MIB2: variants seen among roughly 807,000 people sequenced by gnomAD.
MIB2 encodes the protein MIB E3 ubiquitin protein ligase 2, also known as E3 ubiquitin-protein ligase MIB2.
A neutral mutation model predicts 96.6 loss-of-function variants in MIB2; 78 were observed. That is an observed-to-expected ratio of 0.81 (90% CI 0.67 to 0.97). MIB2 has a LOEUF of 0.97. Among genes scored for constraint, MIB2 ranks in the 50% least tolerant of loss-of-function variants. The pLI is 0.00. For missense variants in MIB2, 1,543 were observed against 1,424.0 expected, an observed-to-expected ratio of 1.08 and a Z score of -1.35; for synonymous variants, 820 against 629.5, an observed-to-expected ratio of 1.30 and a Z score of -4.53.
rs775796291 is a variant in MIB2 at position 1,625,844 on chromosome 1, G to A, written c.972+191G>A. ...GGAGAAGAGGGGGTTGGGTGTGAAGGAACCCAGAGGAGGGTATGTCTCTGG... is the reference window on the plus strand; with the variant it reads ...GGAGAAGAGGGGGTTGGGTGTGAAGAAACCCAGAGGAGGGTATGTCTCTGG... On this transcript the variant is annotated intron_variant, in intron 8 of 19. Coordinates refer to ENST00000355826, the MANE Select transcript of MIB2 (RefSeq NM_001170687.4). The surrounding 1 kb of genome is among the most constrained non-coding windows in gnomAD (Gnocchi z 5.0). The A allele has an allele frequency of 1.7e-6, 1 of 595,662 alleles. No homozygotes were observed. The highest frequency in any genetic ancestry group is 2.8e-5 in the East Asian group (1 of 35,882). 36.9% of individuals were successfully genotyped at this position (595,662 alleles called of 1,614,324 possible).
At position 1,626,282 on chromosome 1, in the gene MIB2, G is replaced by T. The variant is rs543747142; in HGVS notation, c.973-368G>T. On this transcript the variant is annotated intron_variant, in intron 8 of 19. Transcript: ENST00000355826. This position sits in a 1 kb window ranked among gnomAD's most constrained non-coding sequence, Gnocchi z 5.3. The stretch of plus-strand genomic sequence containing the variant: ...GGCTCAGGTGGGGCAGAGTGGGCCC[G>T]TCCTGCACCCCATGGTCCTGGGGCC... The T allele has an allele frequency of 1.2e-5, 4 of 322,206 alleles. No homozygotes were observed. Among genetic ancestry groups the T allele is most frequent in the Non-Finnish European group, 2.3e-5 (4 of 174,002 alleles). The allele number at this position is 322,206 out of a possible 1,614,324, so 20.0% of individuals were successfully genotyped here. A position where few individuals can be genotyped will look rare whatever the true frequency, so the allele number is the denominator to read the frequency against.
rs376455318 is a variant in MIB2 at position 1,628,054 on chromosome 1, C to T, written c.1716C>T (p.Ile572=). The T allele has an allele frequency of 1.2e-6, 2 of 1,613,166 alleles. No individual in the cohort carries two copies. The highest frequency in any genetic ancestry group is 2.2e-5 in the East Asian group (1 of 44,872). ...AHSDTPLHSA[I]SAGTGASGIV... is the part of the protein sequence containing the mutation. Reference sequence around the variant, plus strand: ...CGGACACGCCCCTGCACTCCGCCATCTCGGCGGGCACTGGAGCCAGCGGCA... The same window carrying T: ...CGGACACGCCCCTGCACTCCGCCATTTCGGCGGGCACTGGAGCCAGCGGCA... Residue 572 remains isoleucine (I), a synonymous_variant, in exon 14 of 20, where the codon ATC becomes ATT. Coordinates refer to ENST00000355826, the MANE Select transcript of MIB2 (RefSeq NM_001170687.4).
intron 2 of MIB2, chr1:1,619,280 TAGG>T (rs1164302793): frequency 1.3e-5 from 2 of 151,936 alleles, no homozygotes; most frequent in East Asian, 3.9e-4. Context: ...GAGGCTGAGG[TAGG>T]AGAATGGCGT....
intron 2 of MIB2, among the ~76,000 whole-genome samples, chr1:1,622,199 C>T (rs1644321828): frequency 6.6e-6 from 1 of 152,216 alleles, no homozygotes; most frequent in African/African-American, 2.4e-5. Flanking sequence ...GGCAGTGTTC[C>T]TGGGCTGCCT....
At chr1:1,630,237 C>T (rs1638622671) in intron 19 of MIB2, 55 bp from the exon 20 acceptor site, 6 of 487,784 alleles carry the variant, frequency 1.2e-5, no homozygotes, top group Non-Finnish European at 1.8e-5. Flanking sequence ...CAGCTCCCTG[C>T]TCCCCGCATT....
intron 19 of MIB2, 55 bp downstream of exon 19, chr1:1,629,759 G>A: frequency 6.7e-7 from 1 of 1,494,208 alleles, no homozygotes; most frequent in Non-Finnish European, 9.0e-7. Flanking sequence ...TGGCCCGCGG[G>A]TCCCCGTCCC....
chr1:1,622,820 C>T (rs1231340584), intron 2 of MIB2, among the ~76,000 whole-genome samples: 2 of 152,216 alleles, frequency 1.3e-5, no homozygotes, highest in South Asian at 2.1e-4. Flanking sequence ...AAGCTGGTGT[C>T]CCCCAGGAGC....
At chr1:1,629,844 G>A (rs1289897022) in intron 19 of MIB2, 140 bp downstream of exon 19, 1 of 860,798 alleles carries the variant, frequency 1.2e-6, no homozygotes, top group Non-Finnish European at 1.5e-6. Flanking sequence ...GCTCACACCC[G>A]GCCCCCCAGC....
chr1:1,626,201 G>A lies in MIB2; in HGVS notation c.973-449G>A, dbSNP rs1340003208. 1 of 201,214 alleles carries A rather than the reference G, an allele frequency of 5.0e-6. No homozygotes were observed. The highest frequency in any genetic ancestry group is 1.0e-5 in the Non-Finnish European group (1 of 99,288). 12.5% of individuals were successfully genotyped at this position (201,214 alleles called of 1,614,324 possible). On this transcript the variant is annotated intron_variant, in intron 8 of 19. Coordinates refer to ENST00000355826, the MANE Select transcript of MIB2 (RefSeq NM_001170687.4). The surrounding 1 kb of genome is among the most constrained non-coding windows in gnomAD (Gnocchi z 5.3). ...GTCCTGGATACCAGGCACCTTTGAG[G>A]AGGCGCCGAAGGGAGTCATGAGACG...
chr1:1,617,818 G>A (rs1277214630), intron 2 of MIB2: 1 of 152,246 alleles, frequency 6.6e-6, no homozygotes, highest in African/African-American at 2.4e-5. Flanking sequence ...TGCCTGCAGC[G>A]GGGTTCAGAT....
chr1:1,620,404 C>T (rs185828705), intron 2 of MIB2, among the ~76,000 whole-genome samples: 100 of 152,284 alleles, frequency 6.6e-4, no homozygotes, highest in African/African-American at 2.3e-3. Flanking sequence ...GTCGGTTCTG[C>T]GGCTGCCTGT....
Position 1,630,480 on chromosome 1 carries a change from TGCCCCATCTGCCGCCA to T in MIB2, c.2823_2838del (p.Ile942SerfsTer29), listed in dbSNP as rs1214270987. Reference sequence around the variant, plus strand: ...CCCCTGCGGCTCCGCGCTCAGCGCCTGCCCCATCTGCCGCCAGCCCATCCGCGACCGCATCCAGATC... The same window carrying T: ...CCCCTGCGGCTCCGCGCTCAGCGCCTGCCCATCCGCGACCGCATCCAGATC... On this transcript the variant is annotated frameshift_variant, in exon 20 of 20. Coordinates refer to ENST00000355826, the MANE Select transcript of MIB2 (RefSeq NM_001170687.4). LOFTEE classifies it high-confidence loss of function. 6.3e-7 allele frequency: 1 copy of T among 1,593,478 alleles called. No individual in the cohort carries two copies. Among genetic ancestry groups the T allele is most frequent in the Non-Finnish European group, 8.5e-7 (1 of 1,174,742 alleles).
At chr1:1,628,207 A>C (rs747680107) in intron 14 of MIB2, 28 bp downstream of exon 14, 1 of 1,612,296 alleles carries the variant, frequency 6.2e-7, no homozygotes, top group South Asian at 1.1e-5. Flanking sequence ...ACACAGCTGC[A>C]GCCGGCCTCT....
Position 1,623,883 on chromosome 1 carries a change from C to G in MIB2, c.357C>G (p.Tyr119Ter). ...ACTACGACCTCTGCACGCAGTGCTA[C>G]ATGCACAACAAGCATGAGCTCGCCC... ...CLDYDLCTQC[Y>*]MHNKHELAHA... The change falls in exon 4 of 20, where the codon TAC (tyrosine) becomes TAG (stop). Residue 119 changes from tyrosine (Y) to a stop codon, truncating the protein, a stop_gained. Coordinates refer to ENST00000355826, the MANE Select transcript of MIB2 (RefSeq NM_001170687.4). LOFTEE classifies it high-confidence loss of function. 6.2e-7 allele frequency: 1 copy of G among 1,612,144 alleles called. No homozygotes were observed. Among genetic ancestry groups the G allele is most frequent in the Non-Finnish European group, 8.5e-7 (1 of 1,179,576 alleles).
At chr1:1,628,748 GGA>G in intron 16 of MIB2, 26 bp downstream of exon 16, 2 of 1,480,962 alleles carry the variant, frequency 1.4e-6, no homozygotes, top group Non-Finnish European at 1.8e-6. Context: ...GTGGGGTGCT[GGA>G]GAGGCTGCGG....
chr1:1,621,687 C>T (rs547832164), intron 2 of MIB2, among the ~76,000 whole-genome samples: 5 of 152,328 alleles, frequency 3.3e-5, no homozygotes, highest in Admixed American at 2.6e-4. Context: ...GAAGCTCTCG[C>T]GGTCCTGGGC....
Position 1,626,387 on chromosome 1 carries a change from C to G in MIB2, c.973-263C>G, listed in dbSNP as rs1035578605. 9.9e-6 allele frequency: 5 copies of G among 502,738 alleles called. No homozygotes were observed. Among genetic ancestry groups the G allele is most frequent in the Non-Finnish European group, 1.7e-5 (5 of 286,098 alleles). The allele number at this position is 502,738 out of a possible 1,614,324, so 31.1% of individuals were successfully genotyped here. A position where few individuals can be genotyped will look rare whatever the true frequency, so the allele number is the denominator to read the frequency against. On this transcript the variant is annotated intron_variant, in intron 8 of 19. Coordinates refer to ENST00000355826, the MANE Select transcript of MIB2 (RefSeq NM_001170687.4). This position sits in a 1 kb window ranked among gnomAD's most constrained non-coding sequence, Gnocchi z 5.3. Reference sequence around the variant, plus strand: ...TACAGCTTCCCAGGGCCAGCCACCTCGGCTTCACACCTGCCCAGAGCTGGC... The same window carrying G: ...TACAGCTTCCCAGGGCCAGCCACCTGGGCTTCACACCTGCCCAGAGCTGGC...
chr1:1,629,470 G>A lies in MIB2; in HGVS notation c.2467G>A (p.Ala823Thr), dbSNP rs1298406062. The A allele has an allele frequency of 1.3e-6, 2 of 1,531,630 alleles. No homozygotes were observed. The highest frequency in any genetic ancestry group is 1.7e-6 in the Non-Finnish European group (2 of 1,145,156). 94.9% of individuals were successfully genotyped at this position (1,531,630 alleles called of 1,614,324 possible). A position where few individuals can be genotyped will look rare whatever the true frequency, so the allele number is the denominator to read the frequency against. Residue 823 changes from alanine to threonine, a missense_variant, in exon 18 of 20, where the codon GCC becomes ACC. Ala to Thr is a moderately conservative substitution (Grantham distance 58). Transcript: ENST00000355826. ...CACCGTGACGAACCTGCACGTGGGC[G>A]CCGCGCCGGGGCCCGAGGCCGCTGA... ...PNTVTNLHVG[A>T]APGPEAAECL...
chr1:1,629,167 T>A lies in MIB2; in HGVS notation c.2237T>A (p.Leu746Gln), dbSNP rs1489649912. Residue 746 changes from leucine (L) to glutamine (Q), a missense_variant, in exon 17 of 20, where the codon CTG becomes CAG. By Grantham distance (113) the Leu-to-Gln change is moderately radical. Transcript: ENST00000355826. ...TCGGGCCTCCCCGGCAGCGCGGAGC[T>A]GACGGTGGGCGCGGCGGTCGCCTGC... ...QASGLPGSAE[L>Q]TVGAAVACFL... 2 of 1,504,314 alleles carry A rather than the reference T, an allele frequency of 1.3e-6. No individual in the cohort carries two copies. Among genetic ancestry groups the A allele is most frequent in the East Asian group, 5.5e-5 (2 of 36,508 alleles). 93.2% of individuals were successfully genotyped at this position (1,504,314 alleles called of 1,614,324 possible). A position where few individuals can be genotyped will look rare whatever the true frequency, so the allele number is the denominator to read the frequency against.
Sources: allele counts gnomAD v4.1 joint callset (sites outside exome capture counted in the v4.1 genomes callset), GRCh38; gene constraint gnomAD v4.1.1; non-coding constraint Gnocchi (gnomAD v3.1); transcripts MANE v1.5; gene names NCBI Gene and HGNC (gene_info 2026-07-23, HGNC 2026-07-21).